PPARGC1A: variants seen among roughly 807,000 people sequenced by gnomAD.
The protein encoded by PPARGC1A is peroxisome proliferator-activated receptor gamma coactivator 1-alpha.
A neutral mutation model predicts 88.7 loss-of-function variants in PPARGC1A; 25 were observed. The ratio of observed to expected loss-of-function variants is 0.28; its 90% confidence interval spans 0.21 to 0.39. The LOEUF (loss-of-function observed/expected upper bound fraction) is 0.39. Ranked by LOEUF, PPARGC1A falls within the 10% of genes least tolerant of loss-of-function variation. The pLI, the probability that PPARGC1A is intolerant of heterozygous loss-of-function variation, is 1.00. For synonymous variants in PPARGC1A, 363 were observed against 355.6 expected (o/e 1.02, Z -0.24); for missense variants, 880 against 968.7 (o/e 0.91, Z 1.22).
chr4:24,181,862 G>A, the PPARGC1A span, among the ~76,000 whole-genome samples: 12 of 152,136 alleles, frequency 7.9e-5, no homozygotes, highest in South Asian at 1.5e-3. Flanking sequence ...AAACAGCAGC[G>A]CAAAAGCCAT....
At chr4:23,917,245 G>A in the PPARGC1A span, among the ~76,000 whole-genome samples, 2 of 152,128 alleles carry the variant, frequency 1.3e-5, no homozygotes, top group South Asian at 2.1e-4. Context: ...TACTTACTGA[G>A]TTGCTACCAT....
chr4:24,065,181 C>T, the PPARGC1A span, among the ~76,000 whole-genome samples: 9 of 152,104 alleles, frequency 5.9e-5, no homozygotes, highest in East Asian at 1.4e-3. Context: ...GACCCAATCG[C>T]GTAGATCAGT....
the PPARGC1A span, among the ~76,000 whole-genome samples, chr4:24,441,828 T>A: frequency 6.6e-6 from 1 of 152,212 alleles, no homozygotes; most frequent in South Asian, 2.1e-4. Flanking sequence ...CTCAACAACA[T>A]GCTCCTCAGA....
At chr4:24,057,970 G>A in the PPARGC1A span, among the ~76,000 whole-genome samples, 4 of 152,226 alleles carry the variant, frequency 2.6e-5, no homozygotes, top group Non-Finnish European at 5.9e-5. Context: ...GCATGGGAGA[G>A]AGAGAGGGAA....
chr4:23,801,908 G>C, intron 11 of PPARGC1A, 27 bp from the exon 12 acceptor site: 2 of 1,613,012 alleles, frequency 1.2e-6, no homozygotes, highest in Non-Finnish European at 1.7e-6. Context: ...AAAGTTCAAA[G>C]CTGGTTAAGA....
chr4:24,441,191 C>T, the PPARGC1A span, among the ~76,000 whole-genome samples: 7 of 152,206 alleles, frequency 4.6e-5, no homozygotes, highest in African/African-American at 1.2e-4. Flanking sequence ...CCAGTCATCA[C>T]CCACCCAGAA....
chr4:24,242,877 G>A, the PPARGC1A span, among the ~76,000 whole-genome samples: 11,052 of 151,960 alleles, frequency 0.073, 506 homozygotes, highest in East Asian at 0.22. Flanking sequence ...AACCCCATCA[G>A]TTCCCAATCA....
chr4:24,436,554 C>A, the PPARGC1A span, among the ~76,000 whole-genome samples: 11 of 94,506 alleles, frequency 1.2e-4, no homozygotes, highest in Non-Finnish European at 1.3e-4. Flanking sequence ...CCGGGTCACA[C>A]AGCTGACATC....
chr4:23,906,725 CTCT>C (rs1560547191), upstream of PPARGC1A, among the ~76,000 whole-genome samples: 1 of 152,004 alleles, frequency 6.6e-6, no homozygotes, highest in Non-Finnish European at 1.5e-5. Context: ...TTAACTTTGC[CTCT>C]TAGCATCAAT....
At chr4:24,135,304 G>T in the PPARGC1A span, among the ~76,000 whole-genome samples, 1 of 152,208 alleles carries the variant, frequency 6.6e-6, no homozygotes, top group East Asian at 1.9e-4. Flanking sequence ...TGCTCTCCAA[G>T]ATTTTGTTTA....
At chr4:24,276,997 AG>A in the PPARGC1A span, among the ~76,000 whole-genome samples, 1 of 152,180 alleles carries the variant, frequency 6.6e-6, no homozygotes, top group African/African-American at 2.4e-5. Flanking sequence ...CAGGCTCCTA[AG>A]GTGTTCCAGG....
chr4:24,067,499 G>C, the PPARGC1A span, among the ~76,000 whole-genome samples: 1 of 152,144 alleles, frequency 6.6e-6, no homozygotes, highest in African/African-American at 2.4e-5. Context: ...ATGCTCAAAA[G>C]GACAACATGA....
chr4:23,893,486 TTTTTA>T (rs1395516332), upstream of PPARGC1A, among the ~76,000 whole-genome samples: 5 of 152,298 alleles, frequency 3.3e-5, no homozygotes, highest in East Asian at 9.6e-4. Flanking sequence ...AGTTTATAAG[TTTTTA>T]TTTTAATAAA....
At chr4:24,174,815 G>C in the PPARGC1A span, among the ~76,000 whole-genome samples, 1 of 152,160 alleles carries the variant, frequency 6.6e-6, no homozygotes, top group African/African-American at 2.4e-5. Context: ...CTAGTCATGG[G>C]AATGTCCCAG....
the PPARGC1A span, among the ~76,000 whole-genome samples, chr4:24,427,287 T>C: frequency 4.6e-5 from 7 of 151,590 alleles, no homozygotes; most frequent in African/African-American, 1.7e-4. Context: ...TATTTATTTT[T>C]TTTTTTTTTT....
the PPARGC1A span, among the ~76,000 whole-genome samples, chr4:23,949,190 T>C: frequency 6.6e-6 from 1 of 152,138 alleles, no homozygotes; most frequent in Non-Finnish European, 1.5e-5. Flanking sequence ...TTTGAGTATG[T>C]ATGTACTACA....
At chr4:24,363,062 A>T in the PPARGC1A span, among the ~76,000 whole-genome samples, 92 of 152,322 alleles carry the variant, frequency 6.0e-4, no homozygotes, top group African/African-American at 2.1e-3. Flanking sequence ...TTTCTCAAAC[A>T]TGGGATTCTT....
At chr4:24,083,256 G>A in the PPARGC1A span, among the ~76,000 whole-genome samples, 1 of 152,054 alleles carries the variant, frequency 6.6e-6, no homozygotes, top group Admixed American at 6.5e-5. Flanking sequence ...AAATGCTTTG[G>A]CTGTCTCCCT....
chr4:24,036,554 C>A, the PPARGC1A span, among the ~76,000 whole-genome samples: 1 of 150,300 alleles, frequency 6.7e-6, no homozygotes, highest in Admixed American at 6.6e-5. Flanking sequence ...CACTACATGG[C>A]AATAAAAATA....
Sources: gnomAD v4.1 joint callset for allele counts (sites outside exome capture counted in the v4.1 genomes callset) on GRCh38, gnomAD v4.1.1 for gene constraint, MANE v1.5 for transcripts, NCBI Gene and HGNC (gene_info 2026-07-23, HGNC 2026-07-21) for gene names.